The following SCIN variants were observed in gnomAD, a reference collection of about 807,000 sequenced individuals.
SCIN encodes scinderin.
SCIN carries 91 observed loss-of-function variants against 91.8 expected under a neutral mutation model. The observed-to-expected ratio is 0.99, with a 90% CI of 0.84 to 1.18. The LOEUF (loss-of-function observed/expected upper bound fraction) is 1.18. Among genes scored for constraint, SCIN ranks in the 50% most tolerant of loss-of-function variants. The pLI is 0.00. For synonymous variants in SCIN, 367 were observed against 312.6 expected (o/e 1.17, Z -1.84); for missense variants, 1,087 against 863.9 (o/e 1.26, Z -3.24).
intron 8 of SCIN, 62 bp downstream of exon 8, chr7:12,626,861 G>T: frequency 7.1e-7 from 1 of 1,404,016 alleles, no homozygotes; most frequent in East Asian, 2.5e-5. Context: ...GGGGAGGGTG[G>T]GGGAGATCAC....
intron 1 of SCIN, chr7:12,577,474 T>C: frequency 2.2e-6 from 1 of 454,222 alleles, no homozygotes; most frequent in South Asian, 1.6e-5. Flanking sequence ...TTAAATCTCA[T>C]TGGAATAGAT....
At chr7:12,574,938 A>G (rs532164386) in intron 1 of SCIN, among the ~76,000 whole-genome samples, 20 of 152,172 alleles carry the variant, frequency 1.3e-4, no homozygotes, top group African/African-American at 4.8e-4. Context: ...AAGGATTGAC[A>G]TCATTATTAT....
chr7:12,593,378 A>G (rs1337652922), intron 3 of SCIN, among the ~76,000 whole-genome samples: 1 of 152,110 alleles, frequency 6.6e-6, no homozygotes, highest in Non-Finnish European at 1.5e-5. Flanking sequence ...TTTGAGAGCC[A>G]TCTTCAGCCT....
At position 12,578,209 on chromosome 7, in the gene SCIN, G is replaced by T; in HGVS notation, c.345G>T (p.Leu115=). The T allele has an allele frequency of 6.5e-7, 1 of 1,545,968 alleles. No individual in the cohort carries two copies. Among genetic ancestry groups the T allele is most frequent in the African/African-American group, 1.4e-5 (1 of 72,838 alleles). ...NDFVSYFKGG[L]KYKAGGVASG... is the part of the protein sequence containing the mutation. ...TTGTTAGCTATTTCAAAGGCGGTCT[G>T]AAATACAAGGTAAGCAGCTCCCTCA... The change falls in exon 2 of 16, where the codon CTG becomes CTT. Residue 115 remains leucine (L), a synonymous_variant. Coordinates refer to ENST00000297029, the MANE Select transcript of SCIN (RefSeq NM_001112706.3).
chr7:12,652,599 C>G lies in SCIN; in HGVS notation c.2032C>G (p.Leu678Val), dbSNP rs1242456842. ...KESLKSAKMYLETDPSGRDKR... is the reference protein window; with the variant it reads ...KESLKSAKMYVETDPSGRDKR... ...ACAACTTTTTTTAGCCAAAATGTAC[C>G]TTGAGACAGACCCTTCTGGAAGAGA... is the stretch of plus-strand genomic sequence containing the variant. The change falls in exon 16 of 16, where the codon CTT becomes GTT. Residue 678 changes from leucine to valine, a missense_variant. By Grantham distance (32) the Leu-to-Val change is conservative (BLOSUM62 1). Coordinates refer to ENST00000297029, the MANE Select transcript of SCIN (RefSeq NM_001112706.3). 1 of 1,612,086 alleles carries G rather than the reference C, an allele frequency of 6.2e-7. No homozygotes were observed. The highest frequency in any genetic ancestry group is 8.5e-7 in the Non-Finnish European group (1 of 1,179,182).
chr7:12,646,458 C>T (rs1783967201), intron 13 of SCIN, among the ~76,000 whole-genome samples: 1 of 152,126 alleles, frequency 6.6e-6, no homozygotes, highest in Non-Finnish European at 1.5e-5. Flanking sequence ...TAATTACCTC[C>T]CAAAGGCCCC....
chr7:12,639,826 T>G (rs1294858070), intron 10 of SCIN, among the ~76,000 whole-genome samples: 1 of 152,172 alleles, frequency 6.6e-6, no homozygotes, highest in African/African-American at 2.4e-5. Context: ...ATTTTTTTAT[T>G]TTACAAATAC....
Position 12,574,426 on chromosome 7 carries a change from C to G in SCIN, c.199+3441C>G, listed in dbSNP as rs551564024. Among the ~76,000 whole-genome samples the G allele has an allele frequency of 3.3e-5, 5 of 152,104 alleles. No individual in the cohort carries two copies. The South Asian group carries it at 1.0e-3, about 32-fold the overall frequency. On this transcript the variant is annotated intron_variant, in intron 1 of 15. Transcript: ENST00000297029. ...AGAAGAGTGTATTATAAAAGGGCAA[C>G]TTGAAGGATGTTTTTGGTGGAACTA...
chr7:12,601,015 A>G (rs1043314182), intron 3 of SCIN, among the ~76,000 whole-genome samples: 6 of 152,242 alleles, frequency 3.9e-5, no homozygotes, highest in Admixed American at 2.0e-4. Flanking sequence ...AAGAAGCAAT[A>G]GAAGTGCACT....
At chr7:12,621,646 T>G (rs1436882918) in intron 4 of SCIN, among the ~76,000 whole-genome samples, 5 of 150,490 alleles carry the variant, frequency 3.3e-5, no homozygotes, top group East Asian at 1.9e-4. Flanking sequence ...AGTTTTTTTT[T>G]TTTTTTTTTT....
Position 12,657,572 on chromosome 7 carries a change from A to ATATTTAT in SCIN, c.*4858_*4859insATTTATT, listed in dbSNP as rs1554298408. 4.5e-5 allele frequency: 1 copy of ATATTTAT among 22,080 alleles called. No homozygotes were observed. Among genetic ancestry groups the ATATTTAT allele is most frequent in the Non-Finnish European group, 1.3e-4 (1 of 7,720 alleles). The allele number at this position is 22,080 out of a possible 1,614,324, so 1.4% of individuals were successfully genotyped here. On this transcript the variant is annotated 3_prime_UTR_variant, in exon 16 of 16. Transcript: ENST00000297029. ...TATATATATATATATATATATATAT[A>ATATTTAT]TTTTTTTTTTTTTTTTTTTTTTTTT...
chr7:12,643,426 G>T (rs988533639), intron 11 of SCIN, among the ~76,000 whole-genome samples: 2 of 152,166 alleles, frequency 1.3e-5, no homozygotes, highest in South Asian at 4.1e-4. Context: ...AGCCAGACTT[G>T]GTTCCTGTAA....
At chr7:12,634,921 T>C (rs1783717103) in intron 9 of SCIN, among the ~76,000 whole-genome samples, 1 of 152,142 alleles carries the variant, frequency 6.6e-6, no homozygotes, top group African/African-American at 2.4e-5. Context: ...GTGCAGTGCC[T>C]CACCCCTTTA....
chr7:12,593,134 A>G (rs547978753), intron 3 of SCIN, among the ~76,000 whole-genome samples: 141 of 152,334 alleles, frequency 9.3e-4, no homozygotes, highest in Middle Eastern at 6.8e-3. Flanking sequence ...TTCGGCACTC[A>G]TGGGTGGGGA....
In SCIN at chr7:12,640,552, T is replaced by C. The variant is rs762780667; in HGVS notation, c.1581+35T>C. ...TGCATTCCATAAAACATGCCCTAGT[T>C]ATGGACTTCCCAATGGACCTGAGCC... On this transcript the variant is annotated intron_variant, in intron 11 of 15. Transcript: ENST00000297029. The C allele has an allele frequency of 1.9e-6, 3 of 1,545,342 alleles. No individual in the cohort carries two copies. The South Asian group carries it at 3.8e-5, about 19-fold the overall frequency.
rs929334107 is a variant in SCIN at position 12,658,041 on chromosome 7, A to G, written c.*5326A>G. 1.3e-5 allele frequency: 2 copies of G among 152,158 alleles called. No homozygotes were observed. The highest frequency in any genetic ancestry group is 2.4e-5 in the African/African-American group (1 of 41,442). 9.4% of individuals were successfully genotyped at this position (152,158 alleles called of 1,614,324 possible). On this transcript the variant is annotated 3_prime_UTR_variant, in exon 16 of 16. Coordinates refer to ENST00000297029, the MANE Select transcript of SCIN (RefSeq NM_001112706.3). ...AATGTCTCATCATAAATTGTTTTCC[A>G]TTATTTCTGTGCTGATTGCAAACAA...
chr7:12,630,759 C>T (rs1783625972), intron 9 of SCIN, among the ~76,000 whole-genome samples: 2 of 152,284 alleles, frequency 1.3e-5, no homozygotes, highest in African/African-American at 4.8e-5. Context: ...AGTAATTTAA[C>T]TCAAAGTCAC....
At chr7:12,591,571 C>A (rs73293098) in intron 3 of SCIN, among the ~76,000 whole-genome samples, 21 of 152,080 alleles carry the variant, frequency 1.4e-4, no homozygotes, top group African/African-American at 5.1e-4. Flanking sequence ...CAGGTAAGGA[C>A]GGAGCTGACG....
chr7:12,596,501 A>G (rs1782844951), intron 3 of SCIN: 2 of 454,808 alleles, frequency 4.4e-6, no homozygotes, highest in Admixed American at 2.4e-5. Context: ...CAATGTGATC[A>G]TTGCTGAACC....
Sources: gnomAD v4.1 joint callset for allele counts (sites outside exome capture counted in the v4.1 genomes callset) on GRCh38, gnomAD v4.1.1 for gene constraint, MANE v1.5 for transcripts, NCBI Gene and HGNC (gene_info 2026-07-23, HGNC 2026-07-21) for gene names.